Variants in STK32B observed in about 807,000 individuals in gnomAD.
The protein encoded by STK32B is serine/threonine kinase 32B.
A neutral mutation model predicts 52.6 loss-of-function variants in STK32B; 43 were observed. The ratio of observed to expected loss-of-function variants is 0.82; its 90% CI spans 0.64 to 1.05. STK32B has a LOEUF of 1.05. Ranked by LOEUF, STK32B falls within the 50% of genes least tolerant of loss-of-function variation. STK32B has a pLI of 0.00. For synonymous variants in STK32B, 238 were observed against 204.3 expected (o/e 1.17, Z -1.41); for missense variants, 621 against 534.6 (o/e 1.16, Z -1.59).
intron 2 of STK32B, among the ~76,000 whole-genome samples, chr4:5,155,115 C>T (rs776862112): frequency 6.6e-6 from 1 of 152,196 alleles, no homozygotes; most frequent in Non-Finnish European, 1.5e-5. Flanking sequence ...ACTTGCTCTT[C>T]TCTCCACCTC....
At chr4:5,389,532 T>C (rs986233577) in intron 4 of STK32B, among the ~76,000 whole-genome samples, 1 of 152,176 alleles carries the variant, frequency 6.6e-6, no homozygotes, top group African/African-American at 2.4e-5. Flanking sequence ...CCTCTTCTTA[T>C]AAGGACACCA....
chr4:5,483,646 C>A (rs1183873935), intron 11 of STK32B, among the ~76,000 whole-genome samples: 3 of 152,000 alleles, frequency 2.0e-5, no homozygotes, highest in Admixed American at 6.6e-5. Flanking sequence ...AATGTGTTTG[C>A]TCTTGCTTTT....
intron 4 of STK32B, among the ~76,000 whole-genome samples, chr4:5,360,494 G>T (rs549145496): frequency 2.6e-5 from 4 of 152,178 alleles, no homozygotes; most frequent in Non-Finnish European, 4.4e-5. Flanking sequence ...AGAATAGACC[G>T]TGTGTGCGCT....
At chr4:5,171,740 G>A (rs1166627503) in intron 3 of STK32B, among the ~76,000 whole-genome samples, 10 of 148,242 alleles carry the variant, frequency 6.7e-5, no homozygotes, top group Admixed American at 2.0e-4. Flanking sequence ...GTCAGGTAGC[G>A]TGATGCCTCC....
chr4:5,500,670 AAAAG>A lies in STK32B; in HGVS notation c.*1591_*1594del, dbSNP rs979594934. 1.4e-4 allele frequency: 21 copies of A among 152,034 alleles called. No individual in the cohort carries two copies. The highest frequency in any genetic ancestry group is 5.1e-4 in the African/African-American group (21 of 41,286). The allele number at this position is 152,034 out of a possible 1,614,324, so 9.4% of individuals were successfully genotyped here. A position where few individuals can be genotyped will look rare whatever the true frequency, so the allele number is the denominator to read the frequency against. ...TAGGTTTTATATTTTTATTTTTTAA[AAAAG>A]AAATAGTCAGTGTTTTCCTCCTTTC... On this transcript the variant is annotated 3_prime_UTR_variant, in exon 12 of 12. Coordinates refer to ENST00000282908, the MANE Select transcript of STK32B (RefSeq NM_018401.3).
intron 1 of STK32B, among the ~76,000 whole-genome samples, chr4:5,123,845 T>TACC (rs1193413570): frequency 2.3e-5 from 1 of 43,458 alleles, no homozygotes; most frequent in African/African-American, 5.3e-5. Context: ...CAACTATGAT[T>TACC]ACCACCACCA....
rs2109022963 is a variant in STK32B at position 5,380,399 on chromosome 4, G to T, written c.435-17808G>T. On this transcript the variant is annotated intron_variant, in intron 4 of 11. Coordinates refer to ENST00000282908, the MANE Select transcript of STK32B (RefSeq NM_018401.3). The surrounding 1 kb of genome is among the most constrained non-coding windows in gnomAD (Gnocchi z 4.3). The stretch of plus-strand genomic sequence containing the variant: ...TTTAAAATTATACTATGAAATAGAA[G>T]AGCATTACTCTGAAGAGGTACAGGA... Among the ~76,000 whole-genome samples, 1 of 152,262 alleles carries T rather than the reference G, an allele frequency of 6.6e-6. No individual in the cohort carries two copies.
In STK32B at chr4:5,399,307, C is replaced by T. The variant is rs1381046850; in HGVS notation, c.472+1063C>T. Among the ~76,000 whole-genome samples, 1 of 152,152 alleles carries T rather than the reference C, an allele frequency of 6.6e-6. No individual in the cohort carries two copies. Among genetic ancestry groups the T allele is most frequent in the Non-Finnish European group, 1.5e-5 (1 of 68,022 alleles). On this transcript the variant is annotated intron_variant, in intron 5 of 11. Transcript: ENST00000282908. This position sits in a 1 kb window ranked among gnomAD's most constrained non-coding sequence, Gnocchi z 5.4. ...TTTTCTACGCAGCTCCCCCACCCTC[C>T]TTCCCCACCTCTGCAGGCTGAGGTC...
chr4:5,399,382 A>G lies in STK32B; in HGVS notation c.472+1138A>G, dbSNP rs1004008335. Among the ~76,000 whole-genome samples, 33 of 152,158 alleles carry G rather than the reference A, an allele frequency of 2.2e-4. No individual in the cohort carries two copies. Among genetic ancestry groups the G allele is most frequent in the Admixed American group, 1.3e-4 (2 of 15,280 alleles). On this transcript the variant is annotated intron_variant, in intron 5 of 11. Transcript: ENST00000282908. The surrounding 1 kb of genome is among the most constrained non-coding windows in gnomAD (Gnocchi z 5.4). ...CGAACCTTCCATGAGCCAGCAGCATAGCTTGGGGCATCCTAACCTCATAGT... is the reference window on the plus strand; with the variant it reads ...CGAACCTTCCATGAGCCAGCAGCATGGCTTGGGGCATCCTAACCTCATAGT...
chr4:5,421,556 G>A (rs776106232), intron 6 of STK32B, among the ~76,000 whole-genome samples: 3 of 152,322 alleles, frequency 2.0e-5, no homozygotes, highest in East Asian at 1.9e-4. Context: ...CAGCCCTGAT[G>A]TCTCTGCCTG....
At chr4:5,270,953 C>T (rs550460913) in intron 3 of STK32B, among the ~76,000 whole-genome samples, 5 of 152,170 alleles carry the variant, frequency 3.3e-5, no homozygotes, top group South Asian at 2.1e-4. Flanking sequence ...CCGCCCCTCC[C>T]GCCCAGAGAC....
intron 3 of STK32B, among the ~76,000 whole-genome samples, chr4:5,226,549 C>T (rs1326062929): frequency 6.6e-6 from 1 of 152,208 alleles, no homozygotes; most frequent in Admixed American, 6.5e-5. Context: ...CCTTTGTCCA[C>T]CGTATCTATG....
At chr4:5,495,900 G>C (rs1239505809) in intron 11 of STK32B, among the ~76,000 whole-genome samples, 3 of 152,188 alleles carry the variant, frequency 2.0e-5, no homozygotes, top group Non-Finnish European at 4.4e-5. Context: ...GGGTTTTCCT[G>C]AACTGCGAAT....
rs1436280356 is a variant in STK32B at position 5,453,538 on chromosome 4, G to A, written c.667-3269G>A. Among the ~76,000 whole-genome samples, 1 of 152,138 alleles carries A rather than the reference G, an allele frequency of 6.6e-6. No individual in the cohort carries two copies. The highest frequency in any genetic ancestry group is 1.5e-5 in the Non-Finnish European group (1 of 68,034). ...CCAGGGTCTTTGCACCTCCTTTTCA[G>A]GGTAGGGGTGGGACTGTTTTGGGCA... On this transcript the variant is annotated intron_variant, in intron 7 of 11. Transcript: ENST00000282908. This position sits in a 1 kb window ranked among gnomAD's most constrained non-coding sequence, Gnocchi z 4.0.
chr4:5,155,629 T>TG (rs1023862954), intron 2 of STK32B, among the ~76,000 whole-genome samples: 1 of 152,146 alleles, frequency 6.6e-6, no homozygotes, highest in African/African-American at 2.4e-5. Flanking sequence ...GACTGGTTCC[T>TG]GGGGGCGGTT....
chr4:5,480,339 T>C (rs1396126417), intron 11 of STK32B, among the ~76,000 whole-genome samples: 2 of 152,090 alleles, frequency 1.3e-5, no homozygotes, highest in Admixed American at 1.3e-4. Flanking sequence ...CCCAAGGTGG[T>C]CGGGGTACAG....
intron 4 of STK32B, among the ~76,000 whole-genome samples, chr4:5,333,180 T>G (rs1226979834): frequency 1.3e-5 from 2 of 152,162 alleles, no homozygotes; most frequent in Non-Finnish European, 2.9e-5. Context: ...TTTTTAATGA[T>G]TGCCATTCTA....
At chr4:5,429,651 T>G (rs965530225) in intron 6 of STK32B, among the ~76,000 whole-genome samples, 5 of 152,140 alleles carry the variant, frequency 3.3e-5, no homozygotes, top group African/African-American at 1.2e-4. Flanking sequence ...ACCTTCTTTT[T>G]GCTATTTTCA....
chr4:5,357,600 A>G (rs957337129), intron 4 of STK32B, among the ~76,000 whole-genome samples: 4 of 151,970 alleles, frequency 2.6e-5, no homozygotes, highest in African/African-American at 7.3e-5. Flanking sequence ...GTCTGAACAT[A>G]TATTTACTAA....
Sources: gnomAD v4.1 joint callset for allele counts (sites outside exome capture counted in the v4.1 genomes callset) on GRCh38, gnomAD v4.1.1 for gene constraint, Gnocchi (gnomAD v3.1) non-coding constraint, MANE v1.5 for transcripts, NCBI Gene and HGNC (gene_info 2026-07-23, HGNC 2026-07-21) for gene names.